NEK6: variants seen among roughly 807,000 people sequenced by gnomAD.
NEK6 encodes the protein NIMA related kinase 6, also known as serine/threonine-protein kinase Nek6.
Under a neutral mutation model 43.5 loss-of-function variants are expected in NEK6, and 27 were observed. That is an observed-to-expected ratio of 0.62 (90% CI 0.46 to 0.86). The LOEUF is 0.86. Among genes scored for constraint, NEK6 ranks in the 40% least tolerant of loss-of-function variants. The pLI is 0.00. For missense variants in NEK6, 318 were observed against 414.4 expected (o/e 0.77, Z 2.02); for synonymous variants, 167 against 164.1 (o/e 1.02, Z -0.14).
intron 1 of NEK6, among the ~76,000 whole-genome samples, chr9:124,294,383 G>A (rs1025082514): frequency 1.3e-5 from 2 of 152,048 alleles, no homozygotes; most frequent in African/African-American, 4.8e-5. Flanking sequence ...GGTCTGAGAA[G>A]CAGGTTCAAA....
intron 1 of NEK6, among the ~76,000 whole-genome samples, chr9:124,277,610 AATG>A (rs1432086772): frequency 6.6e-6 from 1 of 152,212 alleles, no homozygotes; most frequent in African/African-American, 2.4e-5. Flanking sequence ...TGTGAGAATA[AATG>A]ATAAAATCTG....
At chr9:124,313,125 C>A in intron 3 of NEK6, among the ~76,000 whole-genome samples, 1 of 152,176 alleles carries the variant, frequency 6.6e-6, no homozygotes, top group East Asian at 1.9e-4. Context: ...GAGCCATGTC[C>A]ATGAGAGCCG....
chr9:124,341,085 C>T (rs948379280), intron 8 of NEK6, among the ~76,000 whole-genome samples: 8 of 152,166 alleles, frequency 5.3e-5, no homozygotes, highest in Admixed American at 2.0e-4. Context: ...TCTTGTCGCC[C>T]GGGCTGGAGG....
At chr9:124,339,973 C>G (rs966668947) in intron 8 of NEK6, among the ~76,000 whole-genome samples, 11 of 152,204 alleles carry the variant, frequency 7.2e-5, no homozygotes, top group Non-Finnish European at 1.6e-4. Context: ...GCCCTGGTAA[C>G]CACATTAACA....
chr9:124,307,183 A>T (rs1833296272), intron 2 of NEK6, among the ~76,000 whole-genome samples: 1 of 151,672 alleles, frequency 6.6e-6, no homozygotes, highest in Non-Finnish European at 1.5e-5. Context: ...CAAACATTTT[A>T]AACTCAAATT....
Position 124,324,637 on chromosome 9 carries a change from G to C in NEK6, c.406-1693G>C, listed in dbSNP as rs569464547. ...CCCGGCCTGGCCCGCCACAGGCCTGGAGGTGGCCTGGGGGTGGGGTCTGTG... is the reference window on the plus strand; with the variant it reads ...CCCGGCCTGGCCCGCCACAGGCCTGCAGGTGGCCTGGGGGTGGGGTCTGTG... On this transcript the variant is annotated intron_variant, in intron 5 of 9. Transcript: ENST00000320246. This position sits in a 1 kb window ranked among gnomAD's most constrained non-coding sequence, Gnocchi z 5.3. Among the ~76,000 whole-genome samples the C allele has an allele frequency of 1.7e-4, 26 of 152,332 alleles. No individual in the cohort carries two copies. The East Asian group carries it at 2.7e-3, about 16-fold the overall frequency.
At chr9:124,318,860 G>A (rs1367549510) in intron 4 of NEK6, among the ~76,000 whole-genome samples, 1 of 152,020 alleles carries the variant, frequency 6.6e-6, no homozygotes, top group African/African-American at 2.4e-5. Context: ...TAGTAGAGAC[G>A]GAGTTTCACC....
chr9:124,303,645 G>A (rs1268849330), intron 2 of NEK6, among the ~76,000 whole-genome samples: 2 of 152,180 alleles, frequency 1.3e-5, no homozygotes, highest in Non-Finnish European at 2.9e-5. Context: ...GGTCCATGGG[G>A]CATCTATGCT....
chr9:124,271,755 A>G (rs1007030236), intron 1 of NEK6, among the ~76,000 whole-genome samples: 5 of 152,238 alleles, frequency 3.3e-5, no homozygotes, highest in Non-Finnish European at 5.9e-5. Flanking sequence ...CTGCATCTGC[A>G]GGACAGGGGC....
chr9:124,265,655 AATCAG>A (rs1831202377), intron 1 of NEK6: 1 of 152,190 alleles, frequency 6.6e-6, no homozygotes, highest in South Asian at 2.1e-4. Flanking sequence ...CTGTAGCCTA[AATCAG>A]ATCACTGTCC....
chr9:124,319,647 G>A (rs542426396), intron 4 of NEK6, among the ~76,000 whole-genome samples: 1 of 152,266 alleles, frequency 6.6e-6, no homozygotes, highest in Admixed American at 6.5e-5. Flanking sequence ...GAAAAGTAGG[G>A]GTTCCGTTTC....
chr9:124,340,143 C>CACCTCTCCCCAAAGACCACT, intron 8 of NEK6, among the ~76,000 whole-genome samples: 1 of 152,230 alleles, frequency 6.6e-6, no homozygotes, highest in African/African-American at 2.4e-5. Context: ...TAAAGACCAC[C>CACCTCTCCCCAAAGACCACT]ACCTCTCCCC....
At chr9:124,258,909 A>G (rs1271435452) in intron 1 of NEK6, among the ~76,000 whole-genome samples, 2 of 152,192 alleles carry the variant, frequency 1.3e-5, no homozygotes, top group East Asian at 3.8e-4. Context: ...GTGTTTTCCT[A>G]AATATCCTCC....
chr9:124,327,501 G>C, intron 7 of NEK6, 56 bp downstream of exon 7: 1 of 1,347,892 alleles, frequency 7.4e-7, no homozygotes, highest in Non-Finnish European at 1.1e-6. Flanking sequence ...TGACCATGCA[G>C]GGAGACGCAA....
At chr9:124,303,666 A>G (rs1428210923) in intron 2 of NEK6, among the ~76,000 whole-genome samples, 2 of 152,226 alleles carry the variant, frequency 1.3e-5, no homozygotes, top group African/African-American at 4.8e-5. Context: ...ATTTGTACTC[A>G]TGCAGGGGCC....
chr9:124,305,096 C>T (rs1217653847), intron 2 of NEK6, among the ~76,000 whole-genome samples: 1 of 152,250 alleles, frequency 6.6e-6, no homozygotes, highest in Non-Finnish European at 1.5e-5. Context: ...TTGGGATGTG[C>T]CAAGTTCAGT....
At chr9:124,274,861 G>A (rs867536091) in intron 1 of NEK6, among the ~76,000 whole-genome samples, 1 of 152,238 alleles carries the variant, frequency 6.6e-6, no homozygotes, top group Middle Eastern at 3.4e-3. Flanking sequence ...CTCCAGTGCC[G>A]GCTCTGATAG....
intron 8 of NEK6, among the ~76,000 whole-genome samples, chr9:124,345,641 C>T (rs114966049): frequency 9.0e-4 from 137 of 152,218 alleles, no homozygotes; most frequent in African/African-American, 3.1e-3. Context: ...GATTCCTCTC[C>T]GGGGTCAGCC....
intron 2 of NEK6, among the ~76,000 whole-genome samples, chr9:124,303,552 G>T (rs1364117815): frequency 6.6e-6 from 1 of 152,230 alleles, no homozygotes; most frequent in Non-Finnish European, 1.5e-5. Flanking sequence ...ACACAGAGGC[G>T]ACACGTTGAG....
Sources: gnomAD v4.1 joint callset for allele counts (sites outside exome capture counted in the v4.1 genomes callset) on GRCh38, gnomAD v4.1.1 for gene constraint, Gnocchi (gnomAD v3.1) non-coding constraint, MANE v1.5 for transcripts, NCBI Gene and HGNC (gene_info 2026-07-23, HGNC 2026-07-21) for gene names.